The following TRPM2 variants were observed in gnomAD, a reference collection of about 807,000 sequenced individuals.
TRPM2 encodes the protein transient receptor potential cation channel subfamily M member 2.
TRPM2 carries 161 observed loss-of-function variants against 174.0 expected under a neutral mutation model. That is an observed-to-expected ratio of 0.93 (90% CI 0.81 to 1.05). The LOEUF is 1.05. TRPM2 is among the 50% of genes least tolerant of loss of function. The pLI is 0.00. For missense variants in TRPM2, 2,057 were observed against 2,038.0 expected, an observed-to-expected ratio of 1.01 and a Z score of -0.18; for synonymous variants, 954 against 861.3, an observed-to-expected ratio of 1.11 and a Z score of -1.88.
At chr21:44,397,480 T>C (rs1016941073) in intron 12 of TRPM2, among the ~76,000 whole-genome samples, 2 of 152,168 alleles carry the variant, frequency 1.3e-5, no homozygotes, top group Admixed American at 6.5e-5. Context: ...GGCTGGTGCA[T>C]GTGCTGGGCC....
rs576730932 is a variant in TRPM2 at position 44,378,245 on chromosome 21, C to A, written c.1014+472C>A. On this transcript the variant is annotated intron_variant, in intron 7 of 31. Coordinates refer to ENST00000397928, the MANE Select transcript of TRPM2 (RefSeq NM_003307.4). ...ATGCGCTGCTCTGCCGGCCTTCCTT[C>A]CCGACCCTAACCCTAACTGCTTTGT... is the stretch of plus-strand genomic sequence containing the variant. Among the ~76,000 whole-genome samples the A allele has an allele frequency of 2.2e-3, 333 of 152,362 alleles. 2 individuals are homozygous for A. The highest frequency in any genetic ancestry group is 7.8e-3 in the African/African-American group (323 of 41,588).
At position 44,418,458 on chromosome 21, in the gene TRPM2, C is replaced by A. The variant is rs1360510207; in HGVS notation, c.3364C>A (p.Leu1122Ile). ...GGAGAAGAACGAGGAGGCGGCCCTGCTATCCTGGGAGATCTACCTGAAGGA... is the reference window on the plus strand; with the variant it reads ...GGAGAAGAACGAGGAGGCGGCCCTGATATCCTGGGAGATCTACCTGAAGGA... The part of the protein sequence containing the change: ...KLEKNEEAAL[L>I]SWEIYLKENY... The change falls in exon 22 of 32, where the codon CTA (leucine) becomes ATA (isoleucine). Residue 1122 changes from leucine (L) to isoleucine (I), a missense_variant. By Grantham distance (5) the Leu-to-Ile change is conservative. Coordinates refer to ENST00000397928, the MANE Select transcript of TRPM2 (RefSeq NM_003307.4). 7 of 1,614,046 alleles carry A rather than the reference C, an allele frequency of 4.3e-6. No individual in the cohort carries two copies. In the East Asian group the frequency reaches 8.9e-5, roughly 21 times the overall value.
intron 2 of TRPM2, among the ~76,000 whole-genome samples, chr21:44,362,656 C>T (rs566409439): frequency 6.6e-6 from 1 of 152,196 alleles, no homozygotes; most frequent in African/African-American, 2.4e-5. Flanking sequence ...AATTCCTTTT[C>T]TTGTTTCCTT....
chr21:44,402,568 A>C (rs547735138), intron 16 of TRPM2, among the ~76,000 whole-genome samples: 22 of 152,220 alleles, frequency 1.4e-4, no homozygotes, highest in Admixed American at 4.6e-4. Context: ...AGCCCTCCAA[A>C]GGTCAAACTG....
chr21:44,393,973 A>G (rs1198616446), intron 11 of TRPM2, among the ~76,000 whole-genome samples: 2 of 150,744 alleles, frequency 1.3e-5, no homozygotes, highest in African/African-American at 4.9e-5. Flanking sequence ...CCTGGGTTCA[A>G]TTGAGTCTCT....
intron 4 of TRPM2, among the ~76,000 whole-genome samples, chr21:44,368,838 A>C (rs2048437080): frequency 6.6e-6 from 1 of 152,090 alleles, no homozygotes; most frequent in African/African-American, 2.4e-5. Context: ...GGGAGCGAGG[A>C]AGCACTCTGC....
intron 27 of TRPM2, among the ~76,000 whole-genome samples, chr21:44,433,364 G>A (rs2051102740): frequency 6.6e-6 from 1 of 152,254 alleles, no homozygotes; most frequent in Non-Finnish European, 1.5e-5. Context: ...GTTACAGGGA[G>A]ACGAGGCAGC....
At chr21:44,435,354 A>T in intron 28 of TRPM2, 137 bp downstream of exon 28, 1 of 839,458 alleles carries the variant, frequency 1.2e-6, no homozygotes, top group Non-Finnish European at 1.9e-6. Flanking sequence ...TACTGGGGGG[A>T]TGCGGGAGGC....
At chr21:44,383,163 C>T (rs1254489276) in intron 9 of TRPM2, among the ~76,000 whole-genome samples, 1 of 152,184 alleles carries the variant, frequency 6.6e-6, no homozygotes, top group Non-Finnish European at 1.5e-5. Context: ...AGCTCCTCTA[C>T]CTCTGATGCA....
intron 9 of TRPM2, among the ~76,000 whole-genome samples, chr21:44,385,336 A>G (rs78786378): frequency 0.015 from 2,330 of 152,346 alleles, 46 homozygotes; most frequent in African/African-American, 0.053. Context: ...AGACTGGGAC[A>G]TAGCAAAAAC....
intron 16 of TRPM2, among the ~76,000 whole-genome samples, chr21:44,403,714 CAT>C (rs200588855): frequency 0.017 from 2,580 of 151,136 alleles, 73 homozygotes; most frequent in African/African-American, 0.052. Context: ...TGCATACACA[CAT>C]ATGCATGGAC....
rs767272190 is a variant in TRPM2, at chr21:44,399,214, C to T, written c.2063-82C>T. The T allele has an allele frequency of 1.2e-5, 18 of 1,521,448 alleles. 1 individual carries two copies. The highest frequency in any genetic ancestry group is 7.6e-5 in the South Asian group (6 of 79,094). The allele number at this position is 1,521,448 out of a possible 1,614,324, so 94.2% of individuals were successfully genotyped here. On this transcript the variant is annotated intron_variant, in intron 13 of 31. Transcript: ENST00000397928. The surrounding 1 kb of genome is among the most constrained non-coding windows in gnomAD (Gnocchi z 4.6). ...TCCCTGTGTCCTGGTGGTGCTGTCC[C>T]GAGTGGTTGCCCTCTGACCCGTCCC...
chr21:44,430,039 C>A (rs945522817), intron 27 of TRPM2, among the ~76,000 whole-genome samples: 2 of 152,068 alleles, frequency 1.3e-5, no homozygotes, highest in African/African-American at 4.8e-5. Context: ...AAGATGTTTC[C>A]CCTTTAGCCA....
intron 19 of TRPM2, among the ~76,000 whole-genome samples, chr21:44,407,449 GGTT>G (rs2049943454): frequency 1.0e-5 from 1 of 97,072 alleles, no homozygotes; most frequent in Non-Finnish European, 2.0e-5. Context: ...TCATATAGAA[GGTT>G]TTTTTTTTTT....
chr21:44,392,271 T>C (rs1416088424), intron 11 of TRPM2, among the ~76,000 whole-genome samples: 1 of 151,806 alleles, frequency 6.6e-6, no homozygotes, highest in Non-Finnish European at 1.5e-5. Flanking sequence ...TCTATTTTTA[T>C]GTTTGAGACA....
chr21:44,432,596 C>T lies in TRPM2; in HGVS notation c.3975-2535C>T, dbSNP rs1828806357. Among the ~76,000 whole-genome samples, 1 of 152,200 alleles carries T rather than the reference C, an allele frequency of 6.6e-6. No individual in the cohort carries two copies. ...TCATCCCGGGAATGTCCTGCTCCTC[C>T]TGCACCCGGGTCCTCCTGCCCTCTT... is the stretch of plus-strand genomic sequence containing the variant. On this transcript the variant is annotated intron_variant, in intron 27 of 31. Transcript: ENST00000397928. This position sits in a 1 kb window ranked among gnomAD's most constrained non-coding sequence, Gnocchi z 4.9.
chr21:44,399,383 G>C lies in TRPM2; in HGVS notation c.2150G>C (p.Cys717Ser), dbSNP rs1404886468. 3 of 1,612,722 alleles carry C rather than the reference G, an allele frequency of 1.9e-6. No individual in the cohort carries two copies. The highest frequency in any genetic ancestry group is 3.3e-5 in the Admixed American group (2 of 59,990). Residue 717 changes from cysteine to serine, a missense_variant, in exon 14 of 32, where the codon TGC becomes TCC. By Grantham distance (112) the Cys-to-Ser change is moderately radical. Transcript: ENST00000397928. This position sits in a 1 kb window ranked among gnomAD's most constrained non-coding sequence, Gnocchi z 4.6. ...RVSEAWGKTT[C>S]LQLALEAKDM... ...TCCGAGGCCTGGGGGAAGACCACCT[G>C]CCTGCAGCTCGCCCTGGAGGCCAAG...
Position 44,366,706 on chromosome 21 carries a change from C to T in TRPM2, c.424-48C>T, listed in dbSNP as rs1290995736. ...TGGCCTGTGTGGGTCGGTGCTGTCC[C>T]TGACCACTGACACACAGGTTCCCTC... On this transcript the variant is annotated intron_variant, in intron 3 of 31. Coordinates refer to ENST00000397928, the MANE Select transcript of TRPM2 (RefSeq NM_003307.4). The surrounding 1 kb of genome is among the most constrained non-coding windows in gnomAD (Gnocchi z 6.0). The T allele has an allele frequency of 6.2e-7, 1 of 1,611,866 alleles. No homozygotes were observed. The highest frequency in any genetic ancestry group is 1.3e-5 in the African/African-American group (1 of 75,014).
At chr21:44,433,139 C>T (rs2051090245) in intron 27 of TRPM2, among the ~76,000 whole-genome samples, 1 of 152,144 alleles carries the variant, frequency 6.6e-6, no homozygotes, top group African/African-American at 2.4e-5. Context: ...TGTTTGTTTC[C>T]CTCCTGGCAG....
Sources: allele counts gnomAD v4.1 joint callset (sites outside exome capture counted in the v4.1 genomes callset), GRCh38; gene constraint gnomAD v4.1.1; non-coding constraint Gnocchi (gnomAD v3.1); transcripts MANE v1.5; gene names NCBI Gene and HGNC (gene_info 2026-07-23, HGNC 2026-07-21).